The following ALDH1A2 variants were observed in gnomAD, a reference collection of about 807,000 sequenced individuals.
ALDH1A2 encodes aldehyde dehydrogenase 1 family member A2, also known as retinal dehydrogenase 2.
A neutral mutation model predicts 60.3 loss-of-function variants in ALDH1A2; 27 were observed. The observed-to-expected ratio is 0.45, with a 90% CI of 0.33 to 0.62. ALDH1A2 has a LOEUF of 0.62. Among genes scored for constraint, ALDH1A2 ranks in the 20% least tolerant of loss-of-function variants. ALDH1A2 has a pLI of 0.02. For missense variants in ALDH1A2, 581 were observed against 643.8 expected, an observed-to-expected ratio of 0.90 and a Z score of 1.06; for synonymous variants, 289 against 232.4, an observed-to-expected ratio of 1.24 and a Z score of -2.21.
chr15:58,029,322 A>T (rs1896166416), intron 1 of ALDH1A2, among the ~76,000 whole-genome samples: 1 of 152,230 alleles, frequency 6.6e-6, no homozygotes, highest in Admixed American at 6.5e-5. Flanking sequence ...TGAAGGCAGA[A>T]ATAAAGATGT....
intron 7 of ALDH1A2, among the ~76,000 whole-genome samples, chr15:57,972,307 G>C (rs1894096813): frequency 6.6e-6 from 1 of 152,140 alleles, no homozygotes; most frequent in Non-Finnish European, 1.5e-5. Context: ...CCCCTTTGCT[G>C]TGAGTAGCAT....
chr15:57,995,001 G>T lies in ALDH1A2; in HGVS notation c.555+77C>A, dbSNP rs572962104. The stretch of plus-strand genomic sequence containing the variant: ...CCAGTAATGGAAAACACACATCGCT[G>T]AGGACCATGTTTTATGTGTCTTTAA... On this transcript the variant is annotated intron_variant, in intron 5 of 12. Coordinates refer to ENST00000249750, the MANE Select transcript of ALDH1A2 (RefSeq NM_003888.4). 91 of 1,356,922 alleles carry T rather than the reference G, an allele frequency of 6.7e-5. 2 individuals are homozygous for T. In the Middle Eastern group the frequency reaches 1.3e-3, roughly 19 times the overall value. 84.1% of individuals were successfully genotyped at this position (1,356,922 alleles called of 1,614,324 possible). A position where few individuals can be genotyped will look rare whatever the true frequency, so the allele number is the denominator to read the frequency against.
chr15:57,997,218 CT>C lies in ALDH1A2; in HGVS notation c.494-2080del, dbSNP rs372389626. On this transcript the variant is annotated intron_variant, in intron 4 of 12. Transcript: ENST00000249750. ...TTTAAACATCAAATTAACTATTTAG[CT>C]TTGTATGCAGATAACTAAAGAATCT... is the stretch of plus-strand genomic sequence containing the variant. 2.3e-3 allele frequency among the ~76,000 whole-genome samples: 351 copies of C among 152,106 alleles called. 2 individuals are homozygous for C. The highest frequency in any genetic ancestry group is 8.3e-3 in the African/African-American group (345 of 41,530).
intron 1 of ALDH1A2, among the ~76,000 whole-genome samples, chr15:58,039,752 T>A (rs1896468858): frequency 6.6e-6 from 1 of 151,650 alleles, no homozygotes; most frequent in South Asian, 2.1e-4. Flanking sequence ...CATTGATTAT[T>A]AAGAGGAAGG....
At chr15:58,055,584 G>A (rs1279984688) in intron 1 of ALDH1A2, among the ~76,000 whole-genome samples, 1 of 151,972 alleles carries the variant, frequency 6.6e-6, no homozygotes, top group Non-Finnish European at 1.5e-5. Flanking sequence ...AAATAAGTGT[G>A]TAGCCAAAAT....
chr15:57,984,571 TTATAGATTTGCC>T (rs1415922011), intron 7 of ALDH1A2, among the ~76,000 whole-genome samples: 2 of 152,230 alleles, frequency 1.3e-5, no homozygotes, highest in Admixed American at 6.5e-5. Context: ...AACTTTCTGT[TTATAGATTTGCC>T]TATTCTGGAT....
At chr15:57,970,999 G>C (rs534582650) in intron 7 of ALDH1A2, among the ~76,000 whole-genome samples, 16 of 152,310 alleles carry the variant, frequency 1.1e-4, no homozygotes, top group African/African-American at 3.8e-4. Flanking sequence ...GAAACAAACA[G>C]GACCAAGGCA....
chr15:57,994,561 A>G (rs1305223447), intron 5 of ALDH1A2, among the ~76,000 whole-genome samples: 1 of 152,072 alleles, frequency 6.6e-6, no homozygotes, highest in African/African-American at 2.4e-5. Flanking sequence ...CACTACATCT[A>G]TTTCTCTTTA....
intron 1 of ALDH1A2, chr15:58,038,551 A>T (rs557333801): frequency 6.6e-6 from 1 of 151,892 alleles, no homozygotes; most frequent in Admixed American, 6.6e-5. Flanking sequence ...GTCTCTTGAC[A>T]TCTGTTTTAG....
chr15:57,980,593 G>T, intron 7 of ALDH1A2: 2 of 265,546 alleles, frequency 7.5e-6, no homozygotes, highest in South Asian at 1.2e-4. Context: ...GCCAGTTCTT[G>T]ACCTCGGCTG....
At chr15:58,024,663 T>G (rs965346737) in intron 1 of ALDH1A2, among the ~76,000 whole-genome samples, 1 of 151,856 alleles carries the variant, frequency 6.6e-6, no homozygotes, top group African/African-American at 2.4e-5. Context: ...AGGCAGAAAA[T>G]CAACCAAAAA....
chr15:57,982,305 T>C (rs563202462), intron 7 of ALDH1A2, among the ~76,000 whole-genome samples: 37 of 152,332 alleles, frequency 2.4e-4, no homozygotes, highest in African/African-American at 7.0e-4. Flanking sequence ...TCAAGTATAA[T>C]AGATGTTTAA....
intron 7 of ALDH1A2, chr15:57,979,852 C>T (rs1388792596): frequency 2.2e-5 from 7 of 312,818 alleles, no homozygotes; most frequent in Non-Finnish European, 4.0e-5. Context: ...TATATGCTGG[C>T]CCAGGCCAAA....
chr15:57,955,379 T>C (rs1252398918), intron 12 of ALDH1A2, 110 bp from the exon 13 acceptor site: 3 of 1,113,878 alleles, frequency 2.7e-6, no homozygotes, highest in African/African-American at 1.5e-5. Flanking sequence ...CAGCAAGTCC[T>C]GGGATGTTCA....
intron 1 of ALDH1A2, among the ~76,000 whole-genome samples, chr15:58,062,377 G>A (rs1283414298): frequency 6.6e-6 from 1 of 152,064 alleles, no homozygotes; most frequent in Non-Finnish European, 1.5e-5. Context: ...AGGTCGAAGT[G>A]GAATACAGAG....
chr15:57,965,949 C>G, intron 7 of ALDH1A2, 122 bp from the exon 8 acceptor site: 1 of 741,538 alleles, frequency 1.3e-6, no homozygotes. Context: ...CAAGCCAACC[C>G]AGCTCTTGTC....
chr15:57,978,901 T>C (rs1894376220), intron 7 of ALDH1A2, among the ~76,000 whole-genome samples: 1 of 152,148 alleles, frequency 6.6e-6, no homozygotes, highest in African/African-American at 2.4e-5. Flanking sequence ...CCAAGCATGG[T>C]GGCACATGTC....
chr15:57,997,011 A>T (rs1895086241), intron 4 of ALDH1A2, among the ~76,000 whole-genome samples: 1 of 151,960 alleles, frequency 6.6e-6, no homozygotes, highest in African/African-American at 2.4e-5. Context: ...TATTGCAAAG[A>T]TTTTTCCCCA....
intron 12 of ALDH1A2, among the ~76,000 whole-genome samples, chr15:57,958,146 A>T (rs189155801): frequency 1.6e-3 from 242 of 152,334 alleles, no homozygotes; most frequent in Admixed American, 0.01. Context: ...GTCCCTAGAT[A>T]CGCATGCTTA....
Sources: gnomAD v4.1 joint callset for allele counts (sites outside exome capture counted in the v4.1 genomes callset) on GRCh38, gnomAD v4.1.1 for gene constraint, MANE v1.5 for transcripts, NCBI Gene and HGNC (gene_info 2026-07-23, HGNC 2026-07-21) for gene names.